NCALD: variants seen among roughly 807,000 people sequenced by gnomAD.
The protein encoded by NCALD is neurocalcin delta, also known as neurocalcin-delta.
A neutral mutation model predicts 18.6 loss-of-function variants in NCALD; 10 were observed. The observed-to-expected ratio is 0.54, with a 90% CI of 0.33 to 0.91. NCALD has a LOEUF of 0.91. Among genes scored for constraint, NCALD ranks in the 40% least tolerant of loss-of-function variants. The pLI is 0.03. For missense variants in NCALD, 184 were observed against 247.6 expected (o/e 0.74, Z 1.72); for synonymous variants, 88 against 87.4 (o/e 1.01, Z -0.04).
intron 2 of NCALD, among the ~76,000 whole-genome samples, chr8:102,008,266 CCAAA>C (rs751924654): frequency 2.2e-4 from 34 of 152,060 alleles, no homozygotes; most frequent in Admixed American, 3.9e-4. Context: ...CAGACAATTC[CCAAA>C]CAATCTATGA....
Position 101,696,117 on chromosome 8 carries a change from G to A in NCALD, c.379-3221C>T, listed in dbSNP as rs1814979415. Among the ~76,000 whole-genome samples, 4 of 152,216 alleles carry A rather than the reference G, an allele frequency of 2.6e-5. No homozygotes were observed. In the South Asian group the frequency reaches 8.3e-4, roughly 32 times the overall value. ...ACCCACCATTGCAGACGATCTCAGA[G>A]GTTTGGGTATTTAGAAGCTGATCCA... On this transcript the variant is annotated intron_variant, in intron 2 of 3. Transcript: ENST00000220931.
intron 3 of NCALD, among the ~76,000 whole-genome samples, chr8:101,895,379 T>C (rs1415689481): frequency 6.9e-6 from 1 of 145,822 alleles, no homozygotes; most frequent in East Asian, 1.9e-4. Context: ...TAATAAGAGC[T>C]ATCTATGACA....
intron 2 of NCALD, among the ~76,000 whole-genome samples, chr8:101,980,569 T>C (rs1314929913): frequency 6.6e-6 from 1 of 152,134 alleles, no homozygotes; most frequent in Non-Finnish European, 1.5e-5. Flanking sequence ...CCAAAAGGAC[T>C]GGGGAAGAAA....
At chr8:101,972,268 A>G (rs961750849) in intron 2 of NCALD, among the ~76,000 whole-genome samples, 6 of 152,192 alleles carry the variant, frequency 3.9e-5, no homozygotes, top group Non-Finnish European at 8.8e-5. Flanking sequence ...ATAGAGCCCA[A>G]GCTTTGTGGT....
At chr8:102,013,482 C>T (rs748201139) in intron 2 of NCALD, among the ~76,000 whole-genome samples, 2 of 152,138 alleles carry the variant, frequency 1.3e-5, no homozygotes, top group Admixed American at 6.5e-5. Context: ...CTTAAAGACA[C>T]ATTTCTCATC....
At chr8:101,999,712 T>C (rs1821375395) in intron 2 of NCALD, among the ~76,000 whole-genome samples, 1 of 151,798 alleles carries the variant, frequency 6.6e-6, no homozygotes, top group African/African-American at 2.4e-5. Flanking sequence ...ATAAAAAAAT[T>C]AATAAAAAAT....
At position 102,051,712 on chromosome 8, in the gene NCALD, C is replaced by T. The variant is rs534884983; in HGVS notation, c.-209-31423G>A. On this transcript the variant is annotated intron_variant, in intron 1 of 6. Coordinates refer to the NCALD transcript ENST00000311028. ...TGCGTTATTCAGCAGCACGGTACTC[C>T]GAAGGGCAATAGCCTTGAACCCTTT... Among the ~76,000 whole-genome samples the T allele has an allele frequency of 3.3e-5, 5 of 152,252 alleles. No homozygotes were observed. In the South Asian group the frequency reaches 6.2e-4, roughly 19 times the overall value.
intron 1 of NCALD, among the ~76,000 whole-genome samples, chr8:102,098,148 AAAG>A (rs1385844734): frequency 3.9e-5 from 6 of 152,198 alleles, no homozygotes; most frequent in African/African-American, 1.4e-4. Flanking sequence ...TGAGAGTGAG[AAAG>A]AAGATTGGGA....
At chr8:101,721,910 T>C (rs774916969) in intron 1 of NCALD, among the ~76,000 whole-genome samples, 1 of 151,370 alleles carries the variant, frequency 6.6e-6, no homozygotes, top group East Asian at 2.0e-4. Flanking sequence ...GGTGCAATCA[T>C]GGCCCACTGC....
chr8:101,872,504 T>G (rs1468139514), intron 4 of NCALD: 13 of 746,720 alleles, frequency 1.7e-5, no homozygotes, highest in Non-Finnish European at 3.2e-5. Flanking sequence ...ATGCCCTTCT[T>G]GTCTAAGATG....
chr8:101,736,746 T>C (rs559790145), intron 1 of NCALD, among the ~76,000 whole-genome samples: 1 of 152,284 alleles, frequency 6.6e-6, no homozygotes, highest in South Asian at 2.1e-4. Flanking sequence ...AAGTGGGGTC[T>C]GGGCGGAATA....
chr8:101,752,181 T>C (rs976194571), intron 1 of NCALD, among the ~76,000 whole-genome samples: 8 of 152,124 alleles, frequency 5.3e-5, no homozygotes, highest in African/African-American at 1.9e-4. Context: ...ATATAATTCA[T>C]CCATAAAAAA....
intron 1 of NCALD, among the ~76,000 whole-genome samples, chr8:101,736,075 A>C (rs1221570776): frequency 1.3e-5 from 2 of 152,144 alleles, no homozygotes; most frequent in Non-Finnish European, 2.9e-5. Flanking sequence ...GGAGACTCAA[A>C]CCAGGCAAGC....
intron 1 of NCALD, among the ~76,000 whole-genome samples, chr8:102,054,671 T>G: frequency 1.1e-5 from 1 of 90,536 alleles, no homozygotes; most frequent in South Asian, 4.9e-4. Flanking sequence ...GATAGATAGA[T>G]AGATAGATAG....
chr8:101,926,997 GTC>G (rs913474149), intron 2 of NCALD, among the ~76,000 whole-genome samples: 4 of 152,178 alleles, frequency 2.6e-5, no homozygotes, highest in Admixed American at 2.0e-4. Flanking sequence ...TGGCCCCAGA[GTC>G]TCTCTTCAAT....
intron 1 of NCALD, among the ~76,000 whole-genome samples, chr8:102,053,248 CTAATT>C (rs1823516695): frequency 6.6e-6 from 1 of 151,926 alleles, no homozygotes; most frequent in Non-Finnish European, 1.5e-5. Flanking sequence ...TTTTTAAAAT[CTAATT>C]TAATATGTCC....
intron 1 of NCALD, among the ~76,000 whole-genome samples, chr8:102,105,058 A>G (rs1009115536): frequency 6.6e-6 from 1 of 152,232 alleles, no homozygotes; most frequent in Non-Finnish European, 1.5e-5. Context: ...AGAGGAACAC[A>G]GAGCCAAGAG....
At chr8:102,103,212 G>A (rs1168797634) in intron 1 of NCALD, among the ~76,000 whole-genome samples, 1 of 146,696 alleles carries the variant, frequency 6.8e-6, no homozygotes, top group African/African-American at 2.6e-5. Flanking sequence ...ACTTGCCAAC[G>A]ATTGCCACCT....
At chr8:102,111,417 T>TGTGTGG (rs1825636065) in intron 1 of NCALD, among the ~76,000 whole-genome samples, 1 of 138,118 alleles carries the variant, frequency 7.2e-6, no homozygotes, top group South Asian at 2.2e-4. Flanking sequence ...AAGAGATGTG[T>TGTGTGG]GTGTGTGTGT....
Sources: gnomAD v4.1 joint callset for allele counts (sites outside exome capture counted in the v4.1 genomes callset) on GRCh38, gnomAD v4.1.1 for gene constraint, MANE v1.5 for transcripts, NCBI Gene and HGNC (gene_info 2026-07-23, HGNC 2026-07-21) for gene names.